The following BBX variants were observed in gnomAD, a reference collection of about 807,000 sequenced individuals.
BBX encodes HMG box transcription factor BBX.
A neutral mutation model predicts 100.2 loss-of-function variants in BBX; 30 were observed. The observed-to-expected ratio is 0.30, with a 90% confidence interval of 0.22 to 0.41. The LOEUF (loss-of-function observed/expected upper bound fraction) is 0.41, where lower values mean the gene tolerates loss of function less well. Ranked by LOEUF, BBX falls within the 10% of genes least tolerant of loss-of-function variation. The pLI, the probability that BBX is intolerant of heterozygous loss-of-function variation, is 1.00. For synonymous variants in BBX, 376 were observed against 388.1 expected (o/e 0.97, Z 0.37); for missense variants, 1,023 against 1,129.8 (o/e 0.91, Z 1.35).
chr3:107,776,346 A>G (rs1231894124), intron 12 of BBX: 1 of 152,182 alleles, frequency 6.6e-6, no homozygotes, highest in African/African-American at 2.4e-5. Flanking sequence ...CTGAAAAGAG[A>G]TTGGTATGTG....
At chr3:107,784,260 G>A (rs376391213) in intron 13 of BBX, among the ~76,000 whole-genome samples, 5 of 151,990 alleles carry the variant, frequency 3.3e-5, no homozygotes, top group African/African-American at 9.6e-5. Flanking sequence ...GAGCAACTAG[G>A]CAAAAGATCA....
intron 5 of BBX, among the ~76,000 whole-genome samples, chr3:107,718,346 TTGAC>T (rs1158633576): frequency 6.7e-6 from 1 of 149,594 alleles, no homozygotes; most frequent in African/African-American, 2.4e-5. Flanking sequence ...ACTTCAAAAA[TTGAC>T]TGTTAAAGAC....
intron 2 of BBX, among the ~76,000 whole-genome samples, chr3:107,577,472 C>A (rs2051879760): frequency 6.6e-6 from 1 of 152,066 alleles, no homozygotes; most frequent in South Asian, 2.1e-4. Context: ...GAATTTGAGG[C>A]CTACTTTAAG....
chr3:107,552,863 C>A (rs549911273), intron 2 of BBX, among the ~76,000 whole-genome samples: 1 of 152,134 alleles, frequency 6.6e-6, no homozygotes. Context: ...CAAGGAGATA[C>A]GCAATCTCTA....
intron 2 of BBX, among the ~76,000 whole-genome samples, chr3:107,592,701 A>G (rs932755504): frequency 1.3e-5 from 2 of 152,146 alleles, no homozygotes; most frequent in Admixed American, 6.5e-5. Context: ...AACTTTTTCA[A>G]ATTTTTCAAA....
chr3:107,656,646 A>C (rs2107834830), intron 3 of BBX, among the ~76,000 whole-genome samples: 1 of 152,272 alleles, frequency 6.6e-6, no homozygotes, highest in Non-Finnish European at 1.5e-5. Flanking sequence ...GTTTCTTTTT[A>C]GAACCTGAAC....
intron 3 of BBX, among the ~76,000 whole-genome samples, chr3:107,695,909 G>C (rs571118404): frequency 7.2e-5 from 11 of 151,988 alleles, no homozygotes; most frequent in African/African-American, 2.7e-4. Flanking sequence ...ATTTAGGATA[G>C]TTAGCTCTTC....
chr3:107,610,462 T>C (rs1011968712), intron 2 of BBX, among the ~76,000 whole-genome samples: 2 of 152,080 alleles, frequency 1.3e-5, no homozygotes, highest in Admixed American at 6.5e-5. Context: ...GCAGCTCTTA[T>C]TGGGGTCTCT....
intron 3 of BBX, among the ~76,000 whole-genome samples, chr3:107,698,163 C>T (rs576362195): frequency 1.3e-5 from 2 of 151,920 alleles, no homozygotes; most frequent in African/African-American, 2.4e-5. Flanking sequence ...TCTTCTGGGT[C>T]GCTCACACTG....
intron 2 of BBX, among the ~76,000 whole-genome samples, chr3:107,531,842 C>G: frequency 6.6e-6 from 1 of 152,134 alleles, no homozygotes; most frequent in Non-Finnish European, 1.5e-5. Context: ...GTAGTTCTCC[C>G]TTGTCAGCAC....
Position 107,724,790 on chromosome 3 carries a change from A to G in BBX, c.406-3975A>G, listed in dbSNP as rs1576513307. Among the ~76,000 whole-genome samples, 3 of 152,260 alleles carry G rather than the reference A, an allele frequency of 2.0e-5. No homozygotes were observed. In the South Asian group the frequency reaches 6.2e-4, roughly 32 times the overall value. On this transcript the variant is annotated intron_variant, in intron 5 of 17. Coordinates refer to ENST00000325805, the MANE Select transcript of BBX (RefSeq NM_001142568.3). ...ATATCTCTGTTTTGGTACCAGTACC[A>G]TGCTGTTTTGGTTACTGTAGCCTTG...
At chr3:107,782,872 C>G (rs2068043556) in intron 13 of BBX, among the ~76,000 whole-genome samples, 2 of 151,974 alleles carry the variant, frequency 1.3e-5, no homozygotes, top group Admixed American at 6.6e-5. Flanking sequence ...CAGATATTCC[C>G]TCAAGAAATT....
At chr3:107,722,446 G>A (rs1323191608) in intron 5 of BBX, among the ~76,000 whole-genome samples, 2 of 151,848 alleles carry the variant, frequency 1.3e-5, no homozygotes, top group Non-Finnish European at 2.9e-5. Context: ...GACTCTTCTG[G>A]TAATTACTCA....
At chr3:107,656,115 G>A (rs2107832453) in intron 3 of BBX, among the ~76,000 whole-genome samples, 1 of 152,196 alleles carries the variant, frequency 6.6e-6, no homozygotes, top group South Asian at 2.1e-4. Flanking sequence ...CTTGAAAAGA[G>A]ATGCAAAATT....
intron 2 of BBX, among the ~76,000 whole-genome samples, chr3:107,624,298 A>T (rs948711634): frequency 1.3e-5 from 2 of 152,126 alleles, no homozygotes; most frequent in Non-Finnish European, 2.9e-5. Context: ...TAGATAAATT[A>T]TATCACACTT....
chr3:107,744,803 T>C, intron 8 of BBX, 93 bp downstream of exon 8: 1 of 1,002,228 alleles, frequency 1.0e-6, no homozygotes, highest in Non-Finnish European at 1.6e-6. Context: ...AATGAAGAAC[T>C]CTACTCAGCT....
rs1445285867 is a variant in BBX, at chr3:107,667,542, T to C, written c.-10+21633T>C. 1.3e-5 allele frequency among the ~76,000 whole-genome samples: 2 copies of C among 151,898 alleles called. 1 individual carries two copies. The highest frequency in any genetic ancestry group is 4.8e-5 in the African/African-American group (2 of 41,538). Reference sequence around the variant, plus strand: ...AGTACAGTAGAAAAATTTATAAATATATAAATATGTGATACAAAATTTTCT... The same window carrying C: ...AGTACAGTAGAAAAATTTATAAATACATAAATATGTGATACAAAATTTTCT... On this transcript the variant is annotated intron_variant, in intron 3 of 17. Coordinates refer to ENST00000325805, the MANE Select transcript of BBX (RefSeq NM_001142568.3).
At chr3:107,535,486 T>C (rs905687231) in intron 2 of BBX, among the ~76,000 whole-genome samples, 1 of 152,142 alleles carries the variant, frequency 6.6e-6, no homozygotes. Context: ...GCAGCTGTTA[T>C]TTTTAATATT....
intron 3 of BBX, among the ~76,000 whole-genome samples, 180 bp from the exon 4 acceptor site, chr3:107,710,272 T>C (rs750097550): frequency 2.6e-5 from 4 of 152,252 alleles, no homozygotes; most frequent in Non-Finnish European, 4.4e-5. Context: ...TTTGGATTCA[T>C]TATGTATTAT....
Sources: allele counts gnomAD v4.1 joint callset (sites outside exome capture counted in the v4.1 genomes callset), GRCh38; gene constraint gnomAD v4.1.1; transcripts MANE v1.5; gene names NCBI Gene and HGNC (gene_info 2026-07-23, HGNC 2026-07-21).